SAG: variants seen among roughly 807,000 people sequenced by gnomAD.
SAG encodes S-antigen visual arrestin.
In SAG, 45 loss-of-function variants were observed where a neutral mutation model predicts 55.0. That is an observed-to-expected ratio of 0.82 (90% CI 0.64 to 1.05). The LOEUF (loss-of-function observed/expected upper bound fraction) is 1.05, where lower values mean the gene tolerates loss of function less well. SAG is among the 50% of genes least tolerant of loss of function. The pLI, the probability that SAG is intolerant of heterozygous loss-of-function variation, is 0.00. For missense variants in SAG, 455 were observed against 512.1 expected (o/e 0.89, Z 1.08); for synonymous variants, 189 against 197.4 (o/e 0.96, Z 0.36).
intron 2 of SAG, among the ~76,000 whole-genome samples, chr2:233,311,499 G>A (rs985318972): frequency 2.0e-5 from 3 of 152,168 alleles, no homozygotes; most frequent in Admixed American, 6.5e-5. Context: ...ATCAAGAATC[G>A]TACCCTGGAG....
At chr2:233,311,798 C>T (rs377561249) in intron 2 of SAG, among the ~76,000 whole-genome samples, 2 of 152,166 alleles carry the variant, frequency 1.3e-5, no homozygotes. Context: ...GTGTGTGCAG[C>T]CTCTCCTCTC....
intron 5 of SAG, among the ~76,000 whole-genome samples, chr2:233,321,692 A>G (rs946878455): frequency 1.3e-5 from 2 of 152,156 alleles, no homozygotes; most frequent in African/African-American, 4.8e-5. Context: ...AGTGGTGATT[A>G]CTGCAGAATG....
intron 4 of SAG, 119 bp from the exon 5 acceptor site, chr2:233,320,511 C>T: frequency 1.4e-6 from 1 of 723,166 alleles, no homozygotes; most frequent in Middle Eastern, 3.0e-4. Flanking sequence ...TCTCCAATCC[C>T]AGCCCCTATC....
At position 233,312,278 on chromosome 2, in the gene SAG, C is replaced by G. The variant is rs544164715; in HGVS notation, c.75+3014C>G. Among the ~76,000 whole-genome samples the G allele has an allele frequency of 1.2e-4, 18 of 152,308 alleles. No individual in the cohort carries two copies. In the South Asian group the frequency reaches 3.5e-3, roughly 30 times the overall value. On this transcript the variant is annotated intron_variant, in intron 2 of 15. Coordinates refer to ENST00000409110, the MANE Select transcript of SAG (RefSeq NM_000541.5). ...CCTCTCTTCACCTGCCCTTGTCTCTCCCGTCCACTCTGCAGTCCCCCTCAT... is the reference window on the plus strand; with the variant it reads ...CCTCTCTTCACCTGCCCTTGTCTCTGCCGTCCACTCTGCAGTCCCCCTCAT...
intron 1 of SAG, among the ~76,000 whole-genome samples, chr2:233,308,249 C>A (rs1229215431): frequency 6.6e-6 from 1 of 152,132 alleles, no homozygotes; most frequent in Non-Finnish European, 1.5e-5. Context: ...CACTTGAAGC[C>A]AGGAATTCGA....
In SAG at chr2:233,320,775, G is replaced by A. The variant is rs145199285; in HGVS notation, c.327G>A (p.Glu109=). The A allele has an allele frequency of 1.6e-5, 25 of 1,606,482 alleles. No individual in the cohort carries two copies. In the African/African-American group the frequency reaches 2.9e-4, roughly 19 times the overall value. ...GAASTPTKLQ[E]SLLKKLGSNT... ...CGAGCACCCCCACAAAACTGCAAGA[G>A]AGCCTGCTTAAAAAGCTGGGGAGCA... Residue 109 remains glutamate, a synonymous_variant, in exon 5 of 16, where the codon GAG becomes GAA. Coordinates refer to ENST00000409110, the MANE Select transcript of SAG (RefSeq NM_000541.5).
At chr2:233,324,482 T>C (rs1274933121) in intron 6 of SAG, among the ~76,000 whole-genome samples, 2 of 152,164 alleles carry the variant, frequency 1.3e-5, no homozygotes, top group Non-Finnish European at 2.9e-5. Flanking sequence ...GCCTTGTCGA[T>C]GTTGTAGAGA....
chr2:233,313,307 TG>T (rs1303387312), intron 2 of SAG, among the ~76,000 whole-genome samples: 1 of 152,080 alleles, frequency 6.6e-6, no homozygotes, highest in Non-Finnish European at 1.5e-5. Flanking sequence ...CTGTGGTGTT[TG>T]GGGGAGCTGT....
chr2:233,313,074 G>A (rs527318934), intron 2 of SAG, among the ~76,000 whole-genome samples: 58 of 152,348 alleles, frequency 3.8e-4, no homozygotes, highest in African/African-American at 1.3e-3. Context: ...GTCTAGCAAA[G>A]GAGACAGGCT....
chr2:233,308,703 A>G (rs1224164306), intron 1 of SAG, among the ~76,000 whole-genome samples: 1 of 152,184 alleles, frequency 6.6e-6, no homozygotes, highest in Non-Finnish European at 1.5e-5. Context: ...TTGAGATGAC[A>G]GGTGTGAGCC....
intron 6 of SAG, among the ~76,000 whole-genome samples, 162 bp from the exon 7 acceptor site, chr2:233,326,959 G>A (rs957105483): frequency 6.6e-6 from 1 of 152,234 alleles, no homozygotes; most frequent in South Asian, 2.1e-4. Flanking sequence ...TTCACTGTCA[G>A]TATGCTTCCA....
rs769383039 is a variant in SAG at position 233,346,813 on chromosome 2, G to C, written c.1119G>C (p.Gln373His). The change falls in exon 16 of 16, where the codon CAG (glutamine) becomes CAC (histidine). Residue 373 changes from glutamine to histidine, a missense_variant. Gln to His is a conservative substitution (Grantham distance 24, BLOSUM62 0). Coordinates refer to ENST00000409110, the MANE Select transcript of SAG (RefSeq NM_000541.5). Reference protein sequence around the residue: ...QPEDPAKESYQDANLVFEEFA... With the variant: ...QPEDPAKESYHDANLVFEEFA... ...GTTGTTTGTTTTATTTTAGTTATCAGGATGCAAATTTAGTTTTTGAGGAGT... is the reference window on the plus strand; with the variant it reads ...GTTGTTTGTTTTATTTTAGTTATCACGATGCAAATTTAGTTTTTGAGGAGT... 6.2e-7 allele frequency: 1 copy of C among 1,600,928 alleles called. No homozygotes were observed. Among genetic ancestry groups the C allele is most frequent in the Non-Finnish European group, 8.5e-7 (1 of 1,169,608 alleles).
intron 3 of SAG, 150 bp from the exon 4 acceptor site, chr2:233,318,601 A>G (rs1355236383): frequency 1.5e-6 from 1 of 674,514 alleles, no homozygotes; most frequent in Non-Finnish European, 2.6e-6. Context: ...AGGAATTTGG[A>G]TGACTTTTTT....
At chr2:233,311,883 T>C (rs373538729) in intron 2 of SAG, among the ~76,000 whole-genome samples, 5 of 152,230 alleles carry the variant, frequency 3.3e-5, no homozygotes, top group African/African-American at 1.2e-4. Context: ...CCCAGCACTT[T>C]GGGAGGCCAA....
intron 5 of SAG, among the ~76,000 whole-genome samples, chr2:233,321,994 C>T (rs1234569572): frequency 1.0e-3 from 30 of 29,192 alleles, no homozygotes; most frequent in Middle Eastern, 0.019. Context: ...AATACACACA[C>T]ACACACACAC....
Position 233,327,188 on chromosome 2 carries a change from T to A in SAG, c.503T>A (p.Ile168Asn), listed in dbSNP as rs753195608. The change falls in exon 7 of 16, where the codon ATC becomes AAC. Residue 168 changes from isoleucine to asparagine, a missense_variant. Coordinates refer to ENST00000409110, the MANE Select transcript of SAG (RefSeq NM_000541.5). ...AGCACCGATGCCGAAGAGGACAAAATCCCCAAGAAGTAAGAGTATGGTTGC... is the reference window on the plus strand; with the variant it reads ...AGCACCGATGCCGAAGAGGACAAAAACCCCAAGAAGTAAGAGTATGGTTGC... ...TDSTDAEEDK[I>N]PKKSSVRLLI... 1.2e-6 allele frequency: 2 copies of A among 1,612,964 alleles called. No individual in the cohort carries two copies. The highest frequency in any genetic ancestry group is 1.7e-6 in the Non-Finnish European group (2 of 1,179,434).
chr2:233,327,959 C>T (rs560887743), intron 7 of SAG: 1 of 153,408 alleles, frequency 6.5e-6, no homozygotes, highest in African/African-American at 2.4e-5. Context: ...TGAGCAGGAA[C>T]TCTACAACCA....
intron 11 of SAG, among the ~76,000 whole-genome samples, chr2:233,336,785 C>G (rs1403036625): frequency 1.3e-5 from 2 of 152,026 alleles, no homozygotes; most frequent in Non-Finnish European, 2.9e-5. Context: ...GCTGCTTGGC[C>G]CCATTCAGCG....
Position 233,320,652 on chromosome 2 carries a change from C to T in SAG, c.204C>T (p.Ala68=), listed in dbSNP as rs772130326. 23 of 1,602,812 alleles carry T rather than the reference C, an allele frequency of 1.4e-5. No homozygotes were observed. The highest frequency in any genetic ancestry group is 1.8e-5 in the Non-Finnish European group (21 of 1,174,954). The change falls in exon 5 of 16, where the codon GCC becomes GCT. Residue 68 remains alanine (A), a synonymous_variant. Transcript: ENST00000409110. ...CAGTGTATGTCACTCTGACCTGCGC[C>T]TTCCGCTATGGCCAAGAGGACATTG... is the stretch of plus-strand genomic sequence containing the variant. ...GKKVYVTLTC[A]FRYGQEDIDV...
Sources: gnomAD v4.1 joint callset for allele counts (sites outside exome capture counted in the v4.1 genomes callset) on GRCh38, gnomAD v4.1.1 for gene constraint, MANE v1.5 for transcripts, NCBI Gene and HGNC (gene_info 2026-07-23, HGNC 2026-07-21) for gene names.